Variants in AK9 observed in about 807,000 individuals in gnomAD.
The protein encoded by AK9 is adenylate kinase 9, also known as adenylate kinase domain containing 1.
Under a neutral mutation model 239.6 loss-of-function variants are expected in AK9, and 191 were observed. The ratio of observed to expected loss-of-function variants is 0.80; its 90% CI spans 0.71 to 0.90. AK9 has a LOEUF of 0.90. Ranked by LOEUF, AK9 falls within the 40% of genes least tolerant of loss-of-function variation. The pLI is 0.00. For synonymous variants in AK9, 689 were observed against 721.0 expected (o/e 0.96, Z 0.71); for missense variants, 1,995 against 2,214.7 (o/e 0.90, Z 1.99).
rs574248045 is a variant in AK9 at position 109,495,384 on chromosome 6, T to C, written c.5372A>G (p.Glu1791Gly). 1.2e-6 allele frequency: 2 copies of C among 1,613,908 alleles called. No individual in the cohort carries two copies. Among genetic ancestry groups the C allele is most frequent in the South Asian group, 2.2e-5 (2 of 91,044 alleles). ...KLPHKLPPLR[E>G]PILLTSLPLP... ...AGGAAGACTAGTAAGAAGTATCGGT[T>C]CCCTTAATGGGGGAAGCTTGTGTGG... The change falls in exon 39 of 41, where the codon GAA (glutamate) becomes GGA (glycine). Residue 1791 changes from glutamate (E) to glycine (G), a missense_variant. Around this residue, in one of 5 missense-constraint regions of AK9, gnomAD observed 391 missense variants for 456.0 expected, o/e 0.86. Coordinates refer to ENST00000424296, the MANE Select transcript of AK9 (RefSeq NM_001145128.3).
At chr6:109,679,618 G>A (rs1020003006) in intron 1 of AK9, among the ~76,000 whole-genome samples, 5 of 152,160 alleles carry the variant, frequency 3.3e-5, no homozygotes, top group Admixed American at 6.5e-5. Flanking sequence ...GGGTCAGACT[G>A]CCTCCTGAAG....
chr6:109,547,208 A>G (rs549278747), intron 25 of AK9, among the ~76,000 whole-genome samples: 2 of 152,316 alleles, frequency 1.3e-5, no homozygotes, highest in Admixed American at 1.3e-4. Flanking sequence ...TAAAAAATTG[A>G]GGTTCATGAA....
Position 109,602,040 on chromosome 6 carries a change from CTG to C in AK9, c.1842+8323_1842+8324del, listed in dbSNP as rs557802810. Among the ~76,000 whole-genome samples the C allele has an allele frequency of 5.4e-3, 823 of 152,150 alleles. 9 individuals are homozygous for C. Among genetic ancestry groups the C allele is most frequent in the African/African-American group, 0.019 (794 of 41,552 alleles). On this transcript the variant is annotated intron_variant, in intron 17 of 40. Transcript: ENST00000424296. Reference sequence around the variant, plus strand: ...TTGACTCTTTATCCAATTTGCCAGTCTGTGTCTTTTAATTGGAGCATTTAGCC... The same window carrying C: ...TTGACTCTTTATCCAATTTGCCAGTCTGTCTTTTAATTGGAGCATTTAGCC...
At chr6:109,657,320 C>T (rs566017516) in intron 7 of AK9, among the ~76,000 whole-genome samples, 7 of 152,244 alleles carry the variant, frequency 4.6e-5, no homozygotes, top group African/African-American at 1.7e-4. Context: ...AGCACTCACA[C>T]ACATTGCAGT....
At chr6:109,590,013 T>C (rs1251033405) in intron 17 of AK9, among the ~76,000 whole-genome samples, 1 of 152,174 alleles carries the variant, frequency 6.6e-6, no homozygotes, top group African/African-American at 2.4e-5. Context: ...TCAGGAATAA[T>C]GGTCTATAGC....
At chr6:109,494,244 G>T (rs1201133959) in intron 39 of AK9, 149 bp from the exon 40 acceptor site, 10 of 520,086 alleles carry the variant, frequency 1.9e-5, no homozygotes, top group African/African-American at 1.7e-4. Context: ...TAGATGACCA[G>T]TTAGCCAACA....
intron 24 of AK9, among the ~76,000 whole-genome samples, chr6:109,558,038 G>T (rs9384713): frequency 0.58 from 88,452 of 151,858 alleles, 27,439 homozygotes; most frequent in East Asian, 0.84. Flanking sequence ...GTATATTTTA[G>T]TTGGTGAAGT....
intron 8 of AK9, among the ~76,000 whole-genome samples, chr6:109,656,394 G>A (rs1799706338): frequency 6.6e-6 from 1 of 152,128 alleles, no homozygotes; most frequent in African/African-American, 2.4e-5. Context: ...AACAAAAGGT[G>A]TACCTTAAAT....
chr6:109,631,380 A>T (rs564671640), intron 12 of AK9, among the ~76,000 whole-genome samples: 1 of 152,352 alleles, frequency 6.6e-6, no homozygotes, highest in East Asian at 1.9e-4. Flanking sequence ...AACACTTGAG[A>T]AAACACTTCA....
rs1014225652 is a variant in AK9 at position 109,671,788 on chromosome 6, A to G, written c.331+131T>C. ...CAAATAAAACCATCTGAGCTGTTCA[A>G]CTGAATAGAGATAATGAGATTCTTA... On this transcript the variant is annotated intron_variant, in intron 5 of 40. Coordinates refer to ENST00000424296, the MANE Select transcript of AK9 (RefSeq NM_001145128.3). 3.3e-5 allele frequency: 23 copies of G among 701,408 alleles called. No homozygotes were observed. The African/African-American group carries it at 4.1e-4, about 13-fold the overall frequency. The allele number at this position is 701,408 out of a possible 1,614,324, so 43.4% of individuals were successfully genotyped here.
intron 1 of AK9, among the ~76,000 whole-genome samples, chr6:109,681,380 C>A (rs1283131992): frequency 6.6e-6 from 1 of 152,124 alleles, no homozygotes; most frequent in African/African-American, 2.4e-5. Flanking sequence ...GGGATCAATG[C>A]AGCAAGAAGA....
chr6:109,510,262 G>A (rs1778579911), intron 32 of AK9, among the ~76,000 whole-genome samples: 1 of 152,132 alleles, frequency 6.6e-6, no homozygotes, highest in Non-Finnish European at 1.5e-5. Flanking sequence ...GAGCGTGGGA[G>A]AGGACGACCA....
chr6:109,643,016 G>A (rs1797648171), intron 9 of AK9, among the ~76,000 whole-genome samples: 1 of 152,192 alleles, frequency 6.6e-6, no homozygotes, highest in Non-Finnish European at 1.5e-5. Flanking sequence ...AAGGGCTCAT[G>A]CCTTGTGAAC....
At chr6:109,661,417 A>G (rs1037880399) in intron 6 of AK9, among the ~76,000 whole-genome samples, 3 of 150,728 alleles carry the variant, frequency 2.0e-5, no homozygotes, top group African/African-American at 7.3e-5. Flanking sequence ...CCTAGAACCA[A>G]ATTTATGATC....
Position 109,585,136 on chromosome 6 carries a change from CTT to C in AK9, c.2099_2100del (p.Glu700GlyfsTer33), listed in dbSNP as rs1789336250. On this transcript the variant is annotated frameshift_variant, in exon 19 of 41. Transcript: ENST00000424296. LOFTEE classifies it high-confidence loss of function. ...GGCAGATTTTACCTTGCTTCTTCTTCTTCTTTTTTTTTCTTTTGTAGTTCTTC... is the reference window on the plus strand; with the variant it reads ...GGCAGATTTTACCTTGCTTCTTCTTCCTTTTTTTTTCTTTTGTAGTTCTTC... ...LLEELQKKKK[E>X]EEEARKATEE... The C allele has an allele frequency of 1.8e-5, 21 of 1,164,696 alleles. No homozygotes were observed. The Admixed American group carries it at 4.1e-4, about 23-fold the overall frequency. 72.1% of individuals were successfully genotyped at this position (1,164,696 alleles called of 1,614,324 possible). A position where few individuals can be genotyped will look rare whatever the true frequency, so the allele number is the denominator to read the frequency against.
At chr6:109,633,670 AT>A (rs1350875537) in intron 10 of AK9, among the ~76,000 whole-genome samples, 12 of 152,222 alleles carry the variant, frequency 7.9e-5, no homozygotes, top group Non-Finnish European at 1.3e-4. Context: ...TAGAAAACAG[AT>A]TCTGAAAAAT....
chr6:109,555,547 T>C (rs1235186848), intron 24 of AK9, among the ~76,000 whole-genome samples: 1 of 152,216 alleles, frequency 6.6e-6, no homozygotes, highest in Non-Finnish European at 1.5e-5. Flanking sequence ...CAGAGTTGAG[T>C]TCAAGTCCTG....
rs143969954 is a variant in AK9 at position 109,562,836 on chromosome 6, C to T, written c.2751+761G>A. On this transcript the variant is annotated intron_variant, in intron 24 of 40. Coordinates refer to ENST00000424296, the MANE Select transcript of AK9 (RefSeq NM_001145128.3). ...CCGGCCTGATAATTGTCTGCGGATA[C>T]CAGAGACCATTTTATGGTGCACCAG... 3.8e-3 allele frequency among the ~76,000 whole-genome samples: 572 copies of T among 152,016 alleles called. 1 individual carries two copies. Among genetic ancestry groups the T allele is most frequent in the South Asian group, 8.5e-3 (41 of 4,806 alleles).
At position 109,647,674 on chromosome 6, in the gene AK9, G is replaced by A. The variant is rs545492594; in HGVS notation, c.760-2986C>T. Reference sequence around the variant, plus strand: ...AACACCCCACTGTCAACATTAGACAGATCAACGAGACAGAAAGTTAACAAG... The same window carrying A: ...AACACCCCACTGTCAACATTAGACAAATCAACGAGACAGAAAGTTAACAAG... On this transcript the variant is annotated intron_variant, in intron 8 of 40. Transcript: ENST00000424296. 6.6e-5 allele frequency among the ~76,000 whole-genome samples: 10 copies of A among 152,286 alleles called. 1 individual carries two copies. In the South Asian group the frequency reaches 2.1e-3, roughly 32 times the overall value.
Sources: gnomAD v4.1 joint callset for allele counts (sites outside exome capture counted in the v4.1 genomes callset) on GRCh38, gnomAD v4.1.1 for gene constraint, gnomAD v4.1.1 regional missense constraint, MANE v1.5 for transcripts, NCBI Gene and HGNC (gene_info 2026-07-23, HGNC 2026-07-21) for gene names.